ZNF804B: variants seen among roughly 807,000 people sequenced by gnomAD.
ZNF804B encodes zinc finger protein 804B.
ZNF804B carries 80 observed loss-of-function variants against 101.4 expected under a neutral mutation model. The ratio of observed to expected loss-of-function variants is 0.79; its 90% CI spans 0.66 to 0.95. The LOEUF is 0.95. ZNF804B is among the 40% of genes least tolerant of loss of function. The pLI, the probability that ZNF804B is intolerant of heterozygous loss-of-function variation, is 0.00. For synonymous variants in ZNF804B, 622 were observed against 558.8 expected, an observed-to-expected ratio of 1.11 and a Z score of -1.59; for missense variants, 1,673 against 1,561.9, an observed-to-expected ratio of 1.07 and a Z score of -1.20.
intron 1 of ZNF804B, among the ~76,000 whole-genome samples, chr7:89,098,674 G>T (rs1169755033): frequency 6.6e-6 from 1 of 151,944 alleles, no homozygotes; most frequent in Non-Finnish European, 1.5e-5. Flanking sequence ...AAATAACTTT[G>T]GATTCAAATT....
At chr7:89,228,330 A>G (rs10250104) in intron 2 of ZNF804B, among the ~76,000 whole-genome samples, 43,673 of 151,988 alleles carry the variant, frequency 0.29, 6,477 homozygotes, top group South Asian at 0.34. Context: ...CTGCTGGCTC[A>G]GGCAGCCTGC....
At chr7:88,975,174 G>T (rs1793599626) in intron 1 of ZNF804B, among the ~76,000 whole-genome samples, 1 of 151,238 alleles carries the variant, frequency 6.6e-6, no homozygotes, top group African/African-American at 2.4e-5. Context: ...TATCCATTCA[G>T]TCTGTGGATG....
At chr7:88,766,303 C>G (rs1789982519) in intron 1 of ZNF804B, among the ~76,000 whole-genome samples, 1 of 152,086 alleles carries the variant, frequency 6.6e-6, no homozygotes, top group Non-Finnish European at 1.5e-5. Flanking sequence ...CAAAGGGAAA[C>G]CTTGTCTCAA....
At chr7:89,122,019 A>G (rs1790413639) in intron 1 of ZNF804B, among the ~76,000 whole-genome samples, 1 of 151,718 alleles carries the variant, frequency 6.6e-6, no homozygotes, top group South Asian at 2.1e-4. Context: ...ATATATGTAT[A>G]TAAGTATATG....
intron 2 of ZNF804B, among the ~76,000 whole-genome samples, chr7:89,281,755 A>G (rs1370214355): frequency 6.6e-6 from 1 of 152,208 alleles, no homozygotes; most frequent in African/African-American, 2.4e-5. Context: ...TCTATAGACT[A>G]TAAACAGGTA....
At chr7:89,035,742 C>G (rs1420348620) in intron 1 of ZNF804B, among the ~76,000 whole-genome samples, 2 of 151,250 alleles carry the variant, frequency 1.3e-5, no homozygotes, top group African/African-American at 2.4e-5. Flanking sequence ...ATTCCAAAAT[C>G]TATGAATATA....
intron 1 of ZNF804B, among the ~76,000 whole-genome samples, chr7:88,789,193 T>C (rs1327397024): frequency 2.0e-5 from 3 of 152,088 alleles, no homozygotes; most frequent in East Asian, 3.9e-4. Context: ...CTAGTTTTTT[T>C]GTATAGCAAC....
chr7:89,195,773 G>A (rs1788538387), intron 1 of ZNF804B, among the ~76,000 whole-genome samples: 1 of 151,758 alleles, frequency 6.6e-6, no homozygotes, highest in African/African-American at 2.4e-5. Flanking sequence ...CAAGCAGAGA[G>A]CCAAATCATG....
At chr7:89,205,776 T>A (rs1250858916) in intron 1 of ZNF804B, among the ~76,000 whole-genome samples, 1 of 152,194 alleles carries the variant, frequency 6.6e-6, no homozygotes, top group Non-Finnish European at 1.5e-5. Flanking sequence ...GTGGATCTAC[T>A]ATTCTGGGGT....
At chr7:88,820,559 G>A (rs1443825348) in intron 1 of ZNF804B, among the ~76,000 whole-genome samples, 1 of 152,202 alleles carries the variant, frequency 6.6e-6, no homozygotes, top group Non-Finnish European at 1.5e-5. Context: ...GTGGCTTGCA[G>A]TTGTTAAGTC....
At chr7:88,995,351 A>G (rs1788170566) in intron 1 of ZNF804B, among the ~76,000 whole-genome samples, 1 of 152,110 alleles carries the variant, frequency 6.6e-6, no homozygotes, top group Admixed American at 6.6e-5. Context: ...CATATAATAG[A>G]TATACTTACT....
At chr7:89,026,136 T>C (rs1324598049) in intron 1 of ZNF804B, among the ~76,000 whole-genome samples, 1 of 152,146 alleles carries the variant, frequency 6.6e-6, no homozygotes, top group Non-Finnish European at 1.5e-5. Context: ...GCATTGGTAA[T>C]TTAATAGCAG....
intron 1 of ZNF804B, among the ~76,000 whole-genome samples, chr7:89,043,359 C>G (rs1314286946): frequency 2.0e-5 from 3 of 152,302 alleles, no homozygotes; most frequent in South Asian, 2.1e-4. Context: ...CAATTAAACA[C>G]AGTAGTCTTT....
chr7:89,160,070 A>G (rs1333991045), intron 1 of ZNF804B, among the ~76,000 whole-genome samples: 1 of 152,208 alleles, frequency 6.6e-6, no homozygotes, highest in South Asian at 2.1e-4. Context: ...ATAGACTTGA[A>G]CAATAGTAAT....
chr7:88,963,317 A>G (rs1035008478), intron 1 of ZNF804B, among the ~76,000 whole-genome samples: 1 of 151,368 alleles, frequency 6.6e-6, no homozygotes, highest in Non-Finnish European at 1.5e-5. Flanking sequence ...ACAAAGCCAG[A>G]TATATACACC....
intron 1 of ZNF804B, among the ~76,000 whole-genome samples, chr7:88,809,325 ATCTATCT>A (rs973297071): frequency 2.6e-5 from 3 of 116,188 alleles, no homozygotes; most frequent in African/African-American, 9.5e-5. Flanking sequence ...CTATCTATCT[ATCTATCT>A]ATCTATCTAT....
At chr7:88,994,390 C>A (rs1225280505) in intron 1 of ZNF804B, among the ~76,000 whole-genome samples, 8 of 151,870 alleles carry the variant, frequency 5.3e-5, no homozygotes, top group Non-Finnish European at 1.0e-4. Flanking sequence ...ATTTATGTAC[C>A]TTTGACAGAT....
intron 1 of ZNF804B, among the ~76,000 whole-genome samples, chr7:89,052,116 T>C (rs763495804): frequency 1.3e-5 from 2 of 152,136 alleles, no homozygotes; most frequent in African/African-American, 4.8e-5. Context: ...ACTCTTTTAT[T>C]GTTCAGGTAT....
At chr7:89,047,792 C>T (rs972135143) in intron 1 of ZNF804B, among the ~76,000 whole-genome samples, 4 of 152,008 alleles carry the variant, frequency 2.6e-5, no homozygotes, top group African/African-American at 9.7e-5. Flanking sequence ...CTGCACTGTG[C>T]ATTCTCTCTA....
Sources: allele counts gnomAD v4.1 joint callset (sites outside exome capture counted in the v4.1 genomes callset), GRCh38; gene constraint gnomAD v4.1.1; transcripts MANE v1.5; gene names NCBI Gene and HGNC (gene_info 2026-07-23, HGNC 2026-07-21).